The following AQR variants were observed in gnomAD, a reference collection of about 807,000 sequenced individuals.
AQR encodes the protein RNA helicase aquarius.
Under a neutral mutation model 180.5 loss-of-function variants are expected in AQR, and 61 were observed. The ratio of observed to expected loss-of-function variants is 0.34; its 90% CI spans 0.28 to 0.42. The LOEUF is 0.42. Among genes scored for constraint, AQR ranks in the 10% least tolerant of loss-of-function variants. The pLI, the probability that AQR is intolerant of heterozygous loss-of-function variation, is 1.00. For missense variants in AQR, 1,281 were observed against 1,798.3 expected, an observed-to-expected ratio of 0.71 and a Z score of 5.20; for synonymous variants, 551 against 588.8, an observed-to-expected ratio of 0.94 and a Z score of 0.93.
In AQR at chr15:34,856,505, T is replaced by C. The variant is rs926563297; in HGVS notation, c.*287A>G. On this transcript the variant is annotated 3_prime_UTR_variant, in exon 35 of 35. Coordinates refer to ENST00000156471, the MANE Select transcript of AQR (RefSeq NM_014691.3). ...CACTAAAAATGTGAAGTATATATTATATATTCATAGAAAATGATTTTAATG... is the reference window on the plus strand; with the variant it reads ...CACTAAAAATGTGAAGTATATATTACATATTCATAGAAAATGATTTTAATG... The C allele has an allele frequency of 2.2e-5, 9 of 415,208 alleles. No homozygotes were observed. In the South Asian group the frequency reaches 6.8e-4, roughly 31 times the overall value. The allele number at this position is 415,208 out of a possible 1,614,324, so 25.7% of individuals were successfully genotyped here.
At chr15:34,963,670 TTTC>T (rs1305919477) in intron 2 of AQR, among the ~76,000 whole-genome samples, 12 of 151,318 alleles carry the variant, frequency 7.9e-5, no homozygotes, top group Admixed American at 7.9e-4. Context: ...ACTTTTTTTT[TTTC>T]TTTTTTTTGA....
At chr15:34,952,496 T>A (rs1340364440) in intron 4 of AQR, among the ~76,000 whole-genome samples, 1 of 152,254 alleles carries the variant, frequency 6.6e-6, no homozygotes, top group Non-Finnish European at 1.5e-5. Flanking sequence ...TTATCTTTTG[T>A]CTGAAATATT....
In AQR at chr15:34,853,621, G is replaced by A. The variant is rs1045549278; in HGVS notation, c.*3171C>T. 9 of 152,154 alleles carry A rather than the reference G, an allele frequency of 5.9e-5. No homozygotes were observed. Among genetic ancestry groups the A allele is most frequent in the African/African-American group, 2.2e-4 (9 of 41,474 alleles). The allele number at this position is 152,154 out of a possible 1,614,324, so 9.4% of individuals were successfully genotyped here. A position where few individuals can be genotyped will look rare whatever the true frequency, so the allele number is the denominator to read the frequency against. The stretch of plus-strand genomic sequence containing the variant: ...ATCATTCTTCATGCTGCCTGGATTG[G>A]GGCATGGCTAAGCACTCAAGTCAAA... On this transcript the variant is annotated 3_prime_UTR_variant, in exon 35 of 35. Coordinates refer to ENST00000156471, the MANE Select transcript of AQR (RefSeq NM_014691.3).
chr15:34,894,484 T>C (rs1435855439), intron 22 of AQR, among the ~76,000 whole-genome samples: 1 of 152,140 alleles, frequency 6.6e-6, no homozygotes, highest in Non-Finnish European at 1.5e-5. Context: ...AGACATGTTA[T>C]AAAAAGTGGT....
At chr15:34,925,731 GC>G (rs1340262021) in intron 13 of AQR, among the ~76,000 whole-genome samples, 1 of 151,992 alleles carries the variant, frequency 6.6e-6, no homozygotes, top group Non-Finnish European at 1.5e-5. Flanking sequence ...TATTCGGGAG[GC>G]TGACGCAGGA....
chr15:34,937,612 G>C (rs113183890), intron 9 of AQR, among the ~76,000 whole-genome samples: 4 of 152,290 alleles, frequency 2.6e-5, no homozygotes, highest in African/African-American at 9.6e-5. Flanking sequence ...GGCCAAGCGT[G>C]GTGGCTCACG....
At chr15:34,962,047 G>C (rs982278494) in intron 2 of AQR, among the ~76,000 whole-genome samples, 1 of 149,292 alleles carries the variant, frequency 6.7e-6, no homozygotes, top group East Asian at 1.9e-4. Context: ...TTTTGAGATG[G>C]GGTCTCACTC....
At chr15:34,967,788 T>C (rs1160313217) in intron 1 of AQR, among the ~76,000 whole-genome samples, 1 of 152,100 alleles carries the variant, frequency 6.6e-6, no homozygotes, top group East Asian at 1.9e-4. Flanking sequence ...AACCTAAGGG[T>C]AATTAGAATT....
intron 5 of AQR, 141 bp downstream of exon 5, chr15:34,948,123 T>C (rs1475230453): frequency 2.3e-6 from 2 of 883,406 alleles, no homozygotes; most frequent in African/African-American, 1.7e-5. Context: ...ATCTTTCACA[T>C]ACCCATTCTT....
intron 32 of AQR, 103 bp from the exon 33 acceptor site, chr15:34,863,144 G>A: frequency 2.8e-6 from 3 of 1,090,006 alleles, no homozygotes; most frequent in East Asian, 2.6e-5. Context: ...GTTAAGCCCT[G>A]GCAATAAAAA....
chr15:34,923,710 A>G (rs1363517054), intron 13 of AQR, among the ~76,000 whole-genome samples: 1 of 152,224 alleles, frequency 6.6e-6, no homozygotes, highest in Admixed American at 6.5e-5. Context: ...GCCTTGACAC[A>G]TTAGTCAAAA....
intron 17 of AQR, among the ~76,000 whole-genome samples, chr15:34,909,557 C>G (rs377580449): frequency 6.6e-6 from 1 of 152,202 alleles, no homozygotes; most frequent in South Asian, 2.1e-4. Flanking sequence ...CTGCCTTAGG[C>G]GCAAATAAAC....
At chr15:34,904,242 A>G (rs1893377236) in intron 19 of AQR, 94 bp downstream of exon 19, 5 of 901,108 alleles carry the variant, frequency 5.5e-6, no homozygotes, top group Non-Finnish European at 7.7e-6. Flanking sequence ...TTTTTTCTTA[A>G]CAAATCTTCC....
intron 10 of AQR, 57 bp from the exon 11 acceptor site, chr15:34,932,491 TGAAA>T: frequency 1.7e-6 from 2 of 1,206,598 alleles, no homozygotes; most frequent in Non-Finnish European, 2.3e-6. Flanking sequence ...CAGCTAGAAG[TGAAA>T]TCTAGTGATA....
At chr15:34,911,061 T>A (rs1893491933) in intron 16 of AQR, among the ~76,000 whole-genome samples, 1 of 152,196 alleles carries the variant, frequency 6.6e-6, no homozygotes, top group Non-Finnish European at 1.5e-5. Flanking sequence ...CTTAATACAT[T>A]TAGCATAATG....
chr15:34,968,659 G>C (rs1324655198), intron 1 of AQR, among the ~76,000 whole-genome samples: 1 of 152,134 alleles, frequency 6.6e-6, no homozygotes, highest in Admixed American at 6.5e-5. Context: ...CAGAGCAAGA[G>C]GAAGGACAAT....
At chr15:34,956,713 A>AAAAG in intron 3 of AQR, among the ~76,000 whole-genome samples, 1 of 151,090 alleles carries the variant, frequency 6.6e-6, no homozygotes, top group East Asian at 1.9e-4. Flanking sequence ...AAAAAAAAAA[A>AAAAG]AAAGAACCAG....
intron 27 of AQR, among the ~76,000 whole-genome samples, chr15:34,876,501 T>C (rs1261822611): frequency 2.6e-5 from 4 of 152,134 alleles, no homozygotes; most frequent in East Asian, 1.9e-4. Flanking sequence ...CAATTTTACC[T>C]TCAAAACTCT....
chr15:34,862,950 G>C lies in AQR; in HGVS notation c.3946C>G (p.Leu1316Val). 1 of 1,613,882 alleles carries C rather than the reference G, an allele frequency of 6.2e-7. No individual in the cohort carries two copies. Among genetic ancestry groups the C allele is most frequent in the Non-Finnish European group, 8.5e-7 (1 of 1,179,868 alleles). Reference sequence around the variant, plus strand: ...GTGAGCTGACTGAAAGCTGGAGTCAGTTCAAAACAGTTTTGGAAGAGGGAT... The same window carrying C: ...GTGAGCTGACTGAAAGCTGGAGTCACTTCAAAACAGTTTTGGAAGAGGGAT... ...RVSLFQNCFELTPAFSQLTAR... is the reference protein window; with the variant it reads ...RVSLFQNCFEVTPAFSQLTAR... Residue 1316 changes from leucine to valine, a missense_variant, in exon 33 of 35, where the codon CTG becomes GTG. By Grantham distance (32) the Leu-to-Val change is conservative. Coordinates refer to ENST00000156471, the MANE Select transcript of AQR (RefSeq NM_014691.3).
Sources: gnomAD v4.1 joint callset for allele counts (sites outside exome capture counted in the v4.1 genomes callset) on GRCh38, gnomAD v4.1.1 for gene constraint, MANE v1.5 for transcripts, NCBI Gene and HGNC (gene_info 2026-07-23, HGNC 2026-07-21) for gene names.